The following PNMA8A variants were observed in gnomAD, a reference collection of about 807,000 sequenced individuals.
PNMA8A encodes the protein PNMA family member 8A.
In PNMA8A, 17 loss-of-function variants were observed where a neutral mutation model predicts 26.6. The ratio of observed to expected loss-of-function variants is 0.64; its 90% CI spans 0.44 to 0.96. The LOEUF (loss-of-function observed/expected upper bound fraction) is 0.96, where lower values mean the gene tolerates loss of function less well. Ranked by LOEUF, PNMA8A falls within the 40% of genes least tolerant of loss-of-function variation. The pLI is 0.00. For synonymous variants in PNMA8A, 224 were observed against 182.0 expected (o/e 1.23, Z -1.86); for missense variants, 532 against 488.4 (o/e 1.09, Z -0.84).
intron 1 of PNMA8A, 51 bp downstream of exon 1, chr19:46,471,286 C>T: frequency 2.6e-6 from 1 of 391,322 alleles, no homozygotes; most frequent in South Asian, 6.9e-5. Context: ...AGCAAAAGGC[C>T]CTAGGACCCT....
rs1339875736 is a variant in PNMA8A at position 46,471,068 on chromosome 19, T to C, written c.-33A>G. The C allele has an allele frequency of 2.8e-6, 2 of 712,812 alleles. No individual in the cohort carries two copies. The highest frequency in any genetic ancestry group is 5.2e-6 in the Non-Finnish European group (2 of 383,616). 44.2% of individuals were successfully genotyped at this position (712,812 alleles called of 1,614,324 possible). A position where few individuals can be genotyped will look rare whatever the true frequency, so the allele number is the denominator to read the frequency against. Reference sequence around the variant, plus strand: ...CTCTGAACCTACTATGTGTAGTAAATAGTCTATCAGGTGGACGTGGGCTGC... The same window carrying C: ...CTCTGAACCTACTATGTGTAGTAAACAGTCTATCAGGTGGACGTGGGCTGC... On this transcript the variant is annotated 5_prime_UTR_variant, in exon 2 of 3. Transcript: ENST00000313683.
At position 46,469,762 on chromosome 19, in the gene PNMA8A, G is replaced by A. The variant is rs527968594; in HGVS notation, c.1274C>T (p.Pro425Leu). The A allele has an allele frequency of 6.2e-7, 1 of 1,611,664 alleles. No individual in the cohort carries two copies. Among genetic ancestry groups the A allele is most frequent in the African/African-American group, 1.3e-5 (1 of 74,836 alleles). The change falls in exon 2 of 3, where the codon CCA becomes CTA. Residue 425 changes from proline to leucine, a missense_variant. Pro to Leu is a moderately conservative substitution (Grantham distance 98). Transcript: ENST00000313683. The stretch of plus-strand genomic sequence containing the variant: ...GGTGGCACGCCGAGGAGAGCCTTCT[G>A]GCTTGGCCTTCGGACCCCTAGAGGT... ...ASTSRGPKAK[P>L]EGSPRRATNE...
intron 2 of PNMA8A, 88 bp downstream of exon 2, chr19:46,469,645 G>A (rs996758748): frequency 5.0e-5 from 70 of 1,404,422 alleles, no homozygotes; most frequent in African/African-American, 7.2e-5. Context: ...CCACCTCCTC[G>A]GGCTCCTCTG....
rs377335947 is a variant in PNMA8A at position 46,470,175 on chromosome 19, C to T, written c.861G>A (p.Pro287=). ...CACAGGGCTTTCTGCTGCCCTTGAT[C>T]GGCTCTGAGATCGCCATGCTTTCAG... is the stretch of plus-strand genomic sequence containing the variant. ...GDAESMAISE[P]IKGSRKPCVN... Residue 287 remains proline (P), a synonymous_variant, in exon 2 of 3, where the codon CCG becomes CCA. Coordinates refer to ENST00000313683, the MANE Select transcript of PNMA8A (RefSeq NM_018215.4). The T allele has an allele frequency of 3.8e-5, 61 of 1,614,128 alleles. No individual in the cohort carries two copies. The highest frequency in any genetic ancestry group is 2.2e-4 in the East Asian group (10 of 44,876).
rs749518782 is a variant in PNMA8A at position 46,469,776 on chromosome 19, A to AC, written c.1259dup (p.Pro421SerfsTer15). ...GAGAGCCTTCTGGCTTGGCCTTCGGACCCCTAGAGGTTGAGGCTGTTGCCT... is the reference window on the plus strand; with the variant it reads ...GAGAGCCTTCTGGCTTGGCCTTCGGACCCCCTAGAGGTTGAGGCTGTTGCCT... On this transcript the variant is annotated frameshift_variant, in exon 2 of 3. Coordinates refer to ENST00000313683, the MANE Select transcript of PNMA8A (RefSeq NM_018215.4). LOFTEE classifies it high-confidence loss of function. 6.8e-6 allele frequency: 11 copies of AC among 1,612,620 alleles called. No individual in the cohort carries two copies. The South Asian group carries it at 1.2e-4, about 18-fold the overall frequency.
chr19:46,468,714 G>A, intron 2 of PNMA8A, 137 bp from the exon 3 acceptor site: 1 of 655,086 alleles, frequency 1.5e-6, no homozygotes, highest in Non-Finnish European at 2.7e-6. Flanking sequence ...CACCCTTAAA[G>A]CCACATACCC....
Position 46,469,924 on chromosome 19 carries a change from G to C in PNMA8A, c.1112C>G (p.Pro371Arg), listed in dbSNP as rs752232273. 7.4e-6 allele frequency: 12 copies of C among 1,614,216 alleles called. No individual in the cohort carries two copies. Among genetic ancestry groups the C allele is most frequent in the African/African-American group, 1.3e-5 (1 of 75,068 alleles). ...MRKKKKVSLG[P>R]VSYVLVDSED... The stretch of plus-strand genomic sequence containing the variant: ...TGAGTCAACCAAGACGTAGGAGACA[G>C]GGCCCAAGCTCACCTTCTTCTTCTT... The change falls in exon 2 of 3, where the codon CCT (proline) becomes CGT (arginine). Residue 371 changes from proline (P) to arginine (R), a missense_variant. By Grantham distance (103) the Pro-to-Arg change is moderately radical (BLOSUM62 -2). Transcript: ENST00000313683.
rs978549950 is a variant in PNMA8A, at chr19:46,468,642, C to A, written c.1304-65G>T. 3.0e-5 allele frequency: 42 copies of A among 1,377,648 alleles called. No homozygotes were observed. The African/African-American group carries it at 6.0e-4, about 20-fold the overall frequency. The allele number at this position is 1,377,648 out of a possible 1,614,324, so 85.3% of individuals were successfully genotyped here. A position where few individuals can be genotyped will look rare whatever the true frequency, so the allele number is the denominator to read the frequency against. On this transcript the variant is annotated intron_variant, in intron 2 of 2. Coordinates refer to ENST00000313683, the MANE Select transcript of PNMA8A (RefSeq NM_018215.4). ...AGAGGTGTCATTAGGAAATGCATTACTTCCAAGAAATTTCTGGGTCCCTGA... is the reference window on the plus strand; with the variant it reads ...AGAGGTGTCATTAGGAAATGCATTAATTCCAAGAAATTTCTGGGTCCCTGA...
chr19:46,470,417 C>A lies in PNMA8A; in HGVS notation c.619G>T (p.Gly207Cys), dbSNP rs1432670302. ...GGGGTCTCTGCCTTTAAGGCAGAAC[C>A]CACCTCTGCTGCAAGCCCCGGTTCT... ...KKEPGLAAEV[G>C]SALKAETPNN... is the part of the protein sequence containing the mutation. Residue 207 changes from glycine (G) to cysteine (C), a missense_variant, in exon 2 of 3, where the codon GGT becomes TGT. Coordinates refer to ENST00000313683, the MANE Select transcript of PNMA8A (RefSeq NM_018215.4). 2 of 1,614,056 alleles carry A rather than the reference C, an allele frequency of 1.2e-6. No individual in the cohort carries two copies. Among genetic ancestry groups the A allele is most frequent in the South Asian group, 2.2e-5 (2 of 91,090 alleles).
chr19:46,469,735 TTGG>T lies in PNMA8A; in HGVS notation c.1298_1300del (p.Thr433del), dbSNP rs1969755629. 4 of 1,603,828 alleles carry T rather than the reference TTGG, an allele frequency of 2.5e-6. No individual in the cohort carries two copies. The highest frequency in any genetic ancestry group is 3.4e-6 in the Non-Finnish European group (4 of 1,176,192). ...GTCACTTCTGCTATCATTCTCACCA[TTGG>T]TGGCACGCCGAGGAGAGCCTTCTGG... On this transcript the variant is annotated inframe_deletion, in exon 2 of 3. Coordinates refer to ENST00000313683, the MANE Select transcript of PNMA8A (RefSeq NM_018215.4).
intron 2 of PNMA8A, among the ~76,000 whole-genome samples, chr19:46,468,877 G>C (rs150105159): frequency 0.025 from 3,749 of 151,092 alleles, 81 homozygotes; most frequent in East Asian, 0.093. Flanking sequence ...AGCCCAGACC[G>C]CCCTTCCAGG....
chr19:46,470,450 C>T lies in PNMA8A; in HGVS notation c.586G>A (p.Val196Met), dbSNP rs111356009. Residue 196 changes from valine (V) to methionine (M), a missense_variant, in exon 2 of 3, where the codon GTG becomes ATG. Coordinates refer to ENST00000313683, the MANE Select transcript of PNMA8A (RefSeq NM_018215.4). The stretch of plus-strand genomic sequence containing the variant: ...GCTGCAAGCCCCGGTTCTTTCTTCA[C>T]CTTCCTCCCTGCTGCTAAAGCCCAG... ...AAWALAAGRK[V>M]KKEPGLAAEV... 0.02 allele frequency: 31,487 copies of T among 1,614,038 alleles called. 493 individuals carry two copies. The highest frequency in any genetic ancestry group is 0.021 in the Non-Finnish European group (24,724 of 1,180,012).
chr19:46,469,109 C>T (rs865921179), intron 2 of PNMA8A, among the ~76,000 whole-genome samples: 14 of 137,574 alleles, frequency 1.0e-4, no homozygotes, highest in Middle Eastern at 3.8e-3. Context: ...TCATTAAATT[C>T]TTTTTTTTTT....
rs1969767379 is a variant in PNMA8A, at chr19:46,470,216, G to A, written c.820C>T (p.Pro274Ser). 2 of 1,614,140 alleles carry A rather than the reference G, an allele frequency of 1.2e-6. No individual in the cohort carries two copies. Among genetic ancestry groups the A allele is most frequent in the South Asian group, 2.2e-5 (2 of 91,086 alleles). ...ATGCTTTCAGCATCACCCACCTCAG[G>A]ATCCTCCAAGTTAGCTGTGCTGTTG... ...NSNSTANLED[P>S]EVGDAESMAI... The change falls in exon 2 of 3, where the codon CCT (proline) becomes TCT (serine). Residue 274 changes from proline (P) to serine (S), a missense_variant. Physicochemically the swap from Pro to Ser is moderately conservative, Grantham distance 74. Coordinates refer to ENST00000313683, the MANE Select transcript of PNMA8A (RefSeq NM_018215.4).
chr19:46,467,409 T>G lies in PNMA8A; in HGVS notation c.*1152A>C, dbSNP rs907345205. ...GTGTCTGAATTCAGAGGGCAGACAT[T>G]AACAGCCAAGTTTTGTTTTTTTGAG... On this transcript the variant is annotated 3_prime_UTR_variant, in exon 3 of 3. Transcript: ENST00000313683. 1 of 152,094 alleles carries G rather than the reference T, an allele frequency of 6.6e-6. No homozygotes were observed. The highest frequency in any genetic ancestry group is 6.6e-5 in the Admixed American group (1 of 15,250). 9.4% of individuals were successfully genotyped at this position (152,094 alleles called of 1,614,324 possible).
rs775478967 is a variant in PNMA8A at position 46,469,972 on chromosome 19, G to A, written c.1064C>T (p.Ala355Val). ...CTTCCTCATGGGAGCGGGGTTCTTG[G>A]CAGACACCCAGGCCACGGCCTTCTT... ...PKKKAVAWVSAKNPAPMRKKK... is the reference protein window; with the variant it reads ...PKKKAVAWVSVKNPAPMRKKK... Residue 355 changes from alanine (A) to valine (V), a missense_variant, in exon 2 of 3, where the codon GCC becomes GTC. Coordinates refer to ENST00000313683, the MANE Select transcript of PNMA8A (RefSeq NM_018215.4). 5 of 1,612,786 alleles carry A rather than the reference G, an allele frequency of 3.1e-6. No homozygotes were observed. Among genetic ancestry groups the A allele is most frequent in the Middle Eastern group, 1.7e-4 (1 of 6,058 alleles).
rs778711021 is a variant in PNMA8A, at chr19:46,469,764, C to T, written c.1272G>A (p.Lys424=). The change falls in exon 2 of 3, where the codon AAG becomes AAA. Residue 424 remains lysine, a synonymous_variant. Transcript: ENST00000313683. Reference sequence around the variant, plus strand: ...TGGCACGCCGAGGAGAGCCTTCTGGCTTGGCCTTCGGACCCCTAGAGGTTG... The same window carrying T: ...TGGCACGCCGAGGAGAGCCTTCTGGTTTGGCCTTCGGACCCCTAGAGGTTG... ...TASTSRGPKA[K]PEGSPRRATN... is the part of the protein sequence containing the mutation. 2.0e-5 allele frequency: 32 copies of T among 1,611,458 alleles called. No homozygotes were observed. The South Asian group carries it at 3.3e-4, about 17-fold the overall frequency.
rs58113099 is a variant in PNMA8A, at chr19:46,467,332, A to AACAC, written c.*1225_*1228dup. 0.23 allele frequency: 33,998 copies of AACAC among 150,822 alleles called. 4,348 individuals carry two copies. Among genetic ancestry groups the AACAC allele is most frequent in the East Asian group, 0.35 (1,793 of 5,098 alleles). 9.3% of individuals were successfully genotyped at this position (150,822 alleles called of 1,614,324 possible). On this transcript the variant is annotated 3_prime_UTR_variant, in exon 3 of 3. Transcript: ENST00000313683. ...TCTCTCCTCTACACATGCGCACGCAAACACACACACACACACACACAATGA... is the reference window on the plus strand; with the variant it reads ...TCTCTCCTCTACACATGCGCACGCAAACACACACACACACACACACACACAATGA...
chr19:46,467,164 A>G lies in PNMA8A; in HGVS notation c.*1397T>C, dbSNP rs138783445. ...AGTTAACCTATGAACACAAGGTAATATTCTGATAGTCTTCGATGTGACTTC... is the reference window on the plus strand; with the variant it reads ...AGTTAACCTATGAACACAAGGTAATGTTCTGATAGTCTTCGATGTGACTTC... On this transcript the variant is annotated 3_prime_UTR_variant, in exon 3 of 3. Transcript: ENST00000313683. 1,767 of 152,348 alleles carry G rather than the reference A, an allele frequency of 0.012. 27 individuals carry two copies. The highest frequency in any genetic ancestry group is 0.012 in the Non-Finnish European group (801 of 68,040). 9.4% of individuals were successfully genotyped at this position (152,348 alleles called of 1,614,324 possible).
Sources: gnomAD v4.1 joint callset for allele counts (sites outside exome capture counted in the v4.1 genomes callset) on GRCh38, gnomAD v4.1.1 for gene constraint, MANE v1.5 for transcripts, NCBI Gene and HGNC (gene_info 2026-07-23, HGNC 2026-07-21) for gene names.